GABRB1: variants seen among roughly 807,000 people sequenced by gnomAD.
The protein encoded by GABRB1 is gamma-aminobutyric acid type A receptor subunit beta1, also known as gamma-aminobutyric acid receptor subunit beta-1.
In GABRB1, 17 loss-of-function variants were observed where a neutral mutation model predicts 51.6. The observed-to-expected ratio is 0.33, with a 90% CI of 0.23 to 0.49. The LOEUF is 0.49. Among genes scored for constraint, GABRB1 ranks in the 20% least tolerant of loss-of-function variants. The pLI, the probability that GABRB1 is intolerant of heterozygous loss-of-function variation, is 0.99. For synonymous variants in GABRB1, 247 were observed against 218.9 expected (o/e 1.13, Z -1.14); for missense variants, 410 against 600.6 (o/e 0.68, Z 3.32).
intron 3 of GABRB1, among the ~76,000 whole-genome samples, chr4:47,159,669 G>A (rs1717853165): frequency 6.6e-6 from 1 of 152,052 alleles, no homozygotes; most frequent in African/African-American, 2.4e-5. Flanking sequence ...TAGTATAAAT[G>A]TTCTTCAATA....
intron 3 of GABRB1, among the ~76,000 whole-genome samples, chr4:47,151,991 A>G (rs1717480504): frequency 6.6e-6 from 1 of 152,028 alleles, no homozygotes. Context: ...TTTTGTATAA[A>G]GTCACTACTA....
At chr4:47,127,994 A>T (rs1716238395) in intron 3 of GABRB1, among the ~76,000 whole-genome samples, 1 of 151,832 alleles carries the variant, frequency 6.6e-6, no homozygotes, top group Admixed American at 6.6e-5. Context: ...TAGCACTAAG[A>T]CAAATTTACA....
intron 5 of GABRB1, among the ~76,000 whole-genome samples, chr4:47,378,260 G>A (rs1252486465): frequency 6.6e-6 from 1 of 152,228 alleles, no homozygotes; most frequent in African/African-American, 2.4e-5. Context: ...CACTGATGGG[G>A]GGACCCAGCA....
At chr4:47,084,760 A>C (rs1480943872) in intron 3 of GABRB1, among the ~76,000 whole-genome samples, 1 of 152,198 alleles carries the variant, frequency 6.6e-6, no homozygotes, top group African/African-American at 2.4e-5. Flanking sequence ...AGGGTAGCCC[A>C]GGTACCCATA....
At chr4:47,246,180 C>G (rs1393550807) in intron 4 of GABRB1, among the ~76,000 whole-genome samples, 2 of 147,384 alleles carry the variant, frequency 1.4e-5, no homozygotes, top group African/African-American at 5.0e-5. Flanking sequence ...GTTTTCCATT[C>G]CTGAGTTACT....
chr4:47,345,432 A>G lies in GABRB1; in HGVS notation c.544+25223A>G, dbSNP rs1726054142. On this transcript the variant is annotated intron_variant, in intron 5 of 8. Transcript: ENST00000295454. Reference sequence around the variant, plus strand: ...AGGAGGTAAAGAGAGTTTTTTTGAGATTGTGTCTATTGCTTAGAAATCTAA... The same window carrying G: ...AGGAGGTAAAGAGAGTTTTTTTGAGGTTGTGTCTATTGCTTAGAAATCTAA... Among the ~76,000 whole-genome samples, 3 of 152,130 alleles carry G rather than the reference A, an allele frequency of 2.0e-5. No individual in the cohort carries two copies. In the South Asian group the frequency reaches 6.2e-4, roughly 31 times the overall value.
Position 47,137,058 on chromosome 4 carries a change from G to A in GABRB1, c.241-24191G>A, listed in dbSNP as rs542492483. On this transcript the variant is annotated intron_variant, in intron 3 of 8. Transcript: ENST00000295454. ...AAAATGCGGAAAGGGCGCCACAGAA[G>A]GGTAACCTACCCTGAACATTGATTT... is the stretch of plus-strand genomic sequence containing the variant. Among the ~76,000 whole-genome samples the A allele has an allele frequency of 9.2e-5, 14 of 152,210 alleles. No homozygotes were observed. In the East Asian group the frequency reaches 2.7e-3, roughly 29 times the overall value.
intron 5 of GABRB1, among the ~76,000 whole-genome samples, chr4:47,351,463 G>A (rs1017314531): frequency 3.3e-5 from 5 of 151,992 alleles, no homozygotes; most frequent in Non-Finnish European, 7.4e-5. Flanking sequence ...CGATGTGCAA[G>A]TTAGTTACAT....
rs144520224 is a variant in GABRB1 at position 47,359,839 on chromosome 4, A to G, written c.544+39630A>G. ...AAAAACTGAGGGTAATTTGTGGTCA[A>G]AAGACTCTAACATGAAACACCTCAA... On this transcript the variant is annotated intron_variant, in intron 5 of 8. Coordinates refer to ENST00000295454, the MANE Select transcript of GABRB1 (RefSeq NM_000812.4). Among the ~76,000 whole-genome samples the G allele has an allele frequency of 3.4e-3, 517 of 152,220 alleles. 1 individual carries two copies. The highest frequency in any genetic ancestry group is 0.012 in the African/African-American group (490 of 41,558).
intron 4 of GABRB1, among the ~76,000 whole-genome samples, chr4:47,308,288 A>G (rs986571445): frequency 5.9e-5 from 9 of 152,084 alleles, no homozygotes; most frequent in African/African-American, 2.2e-4. Flanking sequence ...CACATAGGGG[A>G]AAAATGAAAA....
In GABRB1 at chr4:47,160,740, T is replaced by A. The variant is rs148954301; in HGVS notation, c.241-509T>A. Reference sequence around the variant, plus strand: ...TGTTTATATATACTTTCAAGTATAGTTCTAGTACTTTTATTATTTATTTAT... The same window carrying A: ...TGTTTATATATACTTTCAAGTATAGATCTAGTACTTTTATTATTTATTTAT... On this transcript the variant is annotated intron_variant, in intron 3 of 8. Coordinates refer to ENST00000295454, the MANE Select transcript of GABRB1 (RefSeq NM_000812.4). Among the ~76,000 whole-genome samples the A allele has an allele frequency of 7.9e-4, 117 of 147,450 alleles. 2 individuals are homozygous for A. In the East Asian group the frequency reaches 0.02, roughly 26 times the overall value.
At chr4:47,217,871 G>A in intron 4 of GABRB1, among the ~76,000 whole-genome samples, 1 of 151,566 alleles carries the variant, frequency 6.6e-6, no homozygotes, top group Non-Finnish European at 1.5e-5. Context: ...ATTTTGAAAT[G>A]CACAACAAAT....
intron 4 of GABRB1, among the ~76,000 whole-genome samples, chr4:47,216,701 C>G (rs183588130): frequency 2.2e-4 from 33 of 151,964 alleles, no homozygotes; most frequent in African/African-American, 6.7e-4. Context: ...TCATATCCAT[C>G]TGATTGACAA....
chr4:47,420,453 A>C (rs1016563587), intron 8 of GABRB1, among the ~76,000 whole-genome samples: 25 of 152,198 alleles, frequency 1.6e-4, no homozygotes, highest in Non-Finnish European at 1.2e-4. Context: ...TTTGAAAAAA[A>C]ATCTGCTGGT....
At chr4:47,038,795 G>T (rs1333093299) in intron 3 of GABRB1, among the ~76,000 whole-genome samples, 1 of 152,150 alleles carries the variant, frequency 6.6e-6, no homozygotes, top group Non-Finnish European at 1.5e-5. Flanking sequence ...AGAAATGAAT[G>T]GTTTAAATGT....
At chr4:47,403,294 C>T (rs200451571) in intron 5 of GABRB1, 24 bp from the exon 6 acceptor site, 2 of 1,610,652 alleles carry the variant, frequency 1.2e-6, no homozygotes, top group East Asian at 4.5e-5. Flanking sequence ...CTTTGTTTAA[C>T]CGTGCTGTTT....
At chr4:47,158,793 A>G (rs1329858424) in intron 3 of GABRB1, among the ~76,000 whole-genome samples, 1 of 152,094 alleles carries the variant, frequency 6.6e-6, no homozygotes, top group Non-Finnish European at 1.5e-5. Context: ...ACATCTCTTT[A>G]AAAATAGAAA....
chr4:47,374,869 G>A (rs1252439846), intron 5 of GABRB1, among the ~76,000 whole-genome samples: 2 of 152,242 alleles, frequency 1.3e-5, no homozygotes, highest in Non-Finnish European at 2.9e-5. Context: ...ATAGACAGAG[G>A]GTGATCATAA....
rs1302994252 is a variant in GABRB1 at position 47,354,992 on chromosome 4, T to G, written c.544+34783T>G. Reference sequence around the variant, plus strand: ...TCTTTCTTCCTTTGTTTTTTTTTTTTTTTTTTTTTTTTTGACAGAATCTCT... The same window carrying G: ...TCTTTCTTCCTTTGTTTTTTTTTTTGTTTTTTTTTTTTTGACAGAATCTCT... On this transcript the variant is annotated intron_variant, in intron 5 of 8. Transcript: ENST00000295454. Among the ~76,000 whole-genome samples the G allele has an allele frequency of 6.9e-3, 938 of 135,864 alleles. 24 individuals carry two copies. Among genetic ancestry groups the G allele is most frequent in the Non-Finnish European group, 0.012 (739 of 63,100 alleles). 89.1% of individuals were successfully genotyped at this position (135,864 alleles called of 152,430 possible).
Sources: gnomAD v4.1 joint callset for allele counts (sites outside exome capture counted in the v4.1 genomes callset) on GRCh38, gnomAD v4.1.1 for gene constraint, MANE v1.5 for transcripts, NCBI Gene and HGNC (gene_info 2026-07-23, HGNC 2026-07-21) for gene names.